The following MAP3K2 variants were observed in gnomAD, a reference collection of about 807,000 sequenced individuals.
MAP3K2 encodes mitogen-activated protein kinase kinase kinase 2.
A neutral mutation model predicts 80.3 loss-of-function variants in MAP3K2; 24 were observed. That is an observed-to-expected ratio of 0.30 (90% CI 0.22 to 0.42). The LOEUF (loss-of-function observed/expected upper bound fraction) is 0.42, where lower values mean the gene tolerates loss of function less well. Ranked by LOEUF, MAP3K2 falls within the 10% of genes least tolerant of loss-of-function variation. MAP3K2 has a pLI of 1.00. For synonymous variants in MAP3K2, 244 were observed against 253.7 expected (o/e 0.96, Z 0.36); for missense variants, 608 against 750.1 (o/e 0.81, Z 2.21).
At chr2:127,325,449 C>A (rs1686113962) in intron 9 of MAP3K2, among the ~76,000 whole-genome samples, 1 of 152,166 alleles carries the variant, frequency 6.6e-6, no homozygotes, top group South Asian at 2.1e-4. Context: ...GAGACCAAGG[C>A]AGGAGGTTCG....
At chr2:127,329,508 C>T (rs1389623387) in intron 7 of MAP3K2, among the ~76,000 whole-genome samples, 6 of 152,106 alleles carry the variant, frequency 3.9e-5, no homozygotes, top group Non-Finnish European at 8.8e-5. Flanking sequence ...AGGCATGCAC[C>T]ACCACGCCCA....
intron 1 of MAP3K2, among the ~76,000 whole-genome samples, chr2:127,344,940 T>C (rs1168986452): frequency 6.6e-6 from 1 of 152,158 alleles, no homozygotes; most frequent in Non-Finnish European, 1.5e-5. Flanking sequence ...CACAGCTCAC[T>C]GCAGCCTTGA....
intron 1 of MAP3K2, among the ~76,000 whole-genome samples, chr2:127,375,412 TTA>T (rs1458074164): frequency 2.1e-5 from 3 of 139,652 alleles, no homozygotes; most frequent in African/African-American, 8.7e-5. Flanking sequence ...ATTTATTTAT[TTA>T]TTTATTTTTT....
At position 127,339,579 on chromosome 2, in the gene MAP3K2, T is replaced by C. The variant is rs1573992118; in HGVS notation, c.5-529A>G. Among the ~76,000 whole-genome samples, 1 of 152,312 alleles carries C rather than the reference T, an allele frequency of 6.6e-6. No homozygotes were observed. Among genetic ancestry groups the C allele is most frequent in the East Asian group, 1.9e-4 (1 of 5,190 alleles). ...ATTTGGAAATGCTCTTTCAAACTTC[T>C]TCACCATAAGGTTTGACAAGACTAA... On this transcript the variant is annotated intron_variant, in intron 2 of 16. Coordinates refer to ENST00000682094, the MANE Select transcript of MAP3K2 (RefSeq NM_001371910.2). The surrounding 1 kb of genome is among the most constrained non-coding windows in gnomAD (Gnocchi z 4.2).
At chr2:127,387,398 GCACACACA>G (rs367967800) in intron 1 of MAP3K2, 46 bp downstream of exon 1, 3 of 195,902 alleles carry the variant, frequency 1.5e-5, no homozygotes, top group African/African-American at 2.9e-5. Flanking sequence ...ACACACGCGC[GCACACACA>G]CACACACACA....
intron 1 of MAP3K2, among the ~76,000 whole-genome samples, chr2:127,383,214 C>T (rs990888605): frequency 6.6e-6 from 1 of 152,186 alleles, no homozygotes; most frequent in East Asian, 1.9e-4. Context: ...GCCCCACTTC[C>T]AACACTGGGG....
intron 1 of MAP3K2, among the ~76,000 whole-genome samples, chr2:127,345,087 A>T (rs938985757): frequency 2.8e-4 from 43 of 152,224 alleles, no homozygotes; most frequent in Non-Finnish European, 1.8e-4. Flanking sequence ...CTCCTGGGCT[A>T]AAGTGATCCT....
rs56300936 is a variant in MAP3K2 at position 127,342,388 on chromosome 2, GGTGT to G, written c.4+734_4+737del. ...TGGGCAAATATAAGTTCTTCATGAG[GGTGT>G]GTGTGTGTGTGTGTGTGTGTGTGTG... On this transcript the variant is annotated intron_variant, in intron 2 of 16. Coordinates refer to ENST00000682094, the MANE Select transcript of MAP3K2 (RefSeq NM_001371910.2). Among the ~76,000 whole-genome samples, 52 of 147,858 alleles carry G rather than the reference GGTGT, an allele frequency of 3.5e-4. 1 individual carries two copies. The highest frequency in any genetic ancestry group is 5.0e-4 in the African/African-American group (20 of 39,762).
rs1686028301 is a variant in MAP3K2, at chr2:127,321,924, A to G, written c.1045+122T>C. ...TCCAACCACCTTTAGAAACACCATTATTACCTTTTTTGAGTAGTTCATCTG... is the reference window on the plus strand; with the variant it reads ...TCCAACCACCTTTAGAAACACCATTGTTACCTTTTTTGAGTAGTTCATCTG... On this transcript the variant is annotated intron_variant, in intron 12 of 16. Transcript: ENST00000682094. The surrounding 1 kb of genome is among the most constrained non-coding windows in gnomAD (Gnocchi z 4.4). 2 of 771,520 alleles carry G rather than the reference A, an allele frequency of 2.6e-6. No individual in the cohort carries two copies. The highest frequency in any genetic ancestry group is 3.5e-5 in the South Asian group (2 of 57,324). 47.8% of individuals were successfully genotyped at this position (771,520 alleles called of 1,614,324 possible). A position where few individuals can be genotyped will look rare whatever the true frequency, so the allele number is the denominator to read the frequency against.
At chr2:127,385,711 G>C (rs1343947193) in intron 1 of MAP3K2, among the ~76,000 whole-genome samples, 4 of 152,202 alleles carry the variant, frequency 2.6e-5, no homozygotes, top group African/African-American at 9.7e-5. Context: ...GGGGGAAATA[G>C]CTCCAATTCT....
At chr2:127,327,301 A>C (rs1391644060) in intron 7 of MAP3K2, among the ~76,000 whole-genome samples, 1 of 152,180 alleles carries the variant, frequency 6.6e-6, no homozygotes, top group Non-Finnish European at 1.5e-5. Flanking sequence ...CCTTATGTAA[A>C]GGAGTCATTG....
intron 2 of MAP3K2, among the ~76,000 whole-genome samples, chr2:127,341,690 G>A (rs1339985373): frequency 6.6e-5 from 10 of 151,678 alleles, no homozygotes; most frequent in Admixed American, 6.6e-4. Flanking sequence ...ACGCCACCAT[G>A]CCTGGCTAAT....
rs140690507 is a variant in MAP3K2 at position 127,344,074 on chromosome 2, T to C, written c.-65-880A>G. 2.3e-3 allele frequency among the ~76,000 whole-genome samples: 353 copies of C among 152,146 alleles called. 1 individual carries two copies. Among genetic ancestry groups the C allele is most frequent in the African/African-American group, 7.7e-3 (319 of 41,504 alleles). On this transcript the variant is annotated intron_variant, in intron 1 of 16. Coordinates refer to ENST00000682094, the MANE Select transcript of MAP3K2 (RefSeq NM_001371910.2). ...GATATTACCTCAAACTATGTTATTA[T>C]AAGATGTTAACTGTAATCCCCAGGT...
chr2:127,386,973 A>G (rs4528712), intron 1 of MAP3K2, among the ~76,000 whole-genome samples: 149,693 of 152,216 alleles, frequency 0.98, 73,659 homozygotes, highest in East Asian at 1. Flanking sequence ...CACCTCATTG[A>G]GCTGGGAAGA....
chr2:127,324,415 G>C (rs1686090098), intron 9 of MAP3K2, among the ~76,000 whole-genome samples, 174 bp from the exon 10 acceptor site: 1 of 152,326 alleles, frequency 6.6e-6, no homozygotes, highest in Non-Finnish European at 1.5e-5. Flanking sequence ...CTTGGTACAT[G>C]TAGGCAAAGA....
intron 15 of MAP3K2, among the ~76,000 whole-genome samples, chr2:127,311,039 A>ACAGACTGG (rs777342257): frequency 2.6e-5 from 4 of 152,134 alleles, no homozygotes; most frequent in Non-Finnish European, 5.9e-5. Flanking sequence ...AAGCTACCTT[A>ACAGACTGG]CAGACTGGAG....
intron 1 of MAP3K2, among the ~76,000 whole-genome samples, chr2:127,371,536 C>A (rs1558990205): frequency 1.3e-5 from 2 of 152,184 alleles, no homozygotes; most frequent in Non-Finnish European, 2.9e-5. Flanking sequence ...GGACTGATAT[C>A]TTGTTACAAT....
rs1685637641 is a variant in MAP3K2, at chr2:127,303,532, T to C, written c.*4047A>G. On this transcript the variant is annotated 3_prime_UTR_variant, in exon 17 of 17. Coordinates refer to ENST00000682094, the MANE Select transcript of MAP3K2 (RefSeq NM_001371910.2). The stretch of plus-strand genomic sequence containing the variant: ...TGACATTTCCGTTTATAACAGCCAA[T>C]GATTACCTAAAATTGCTTTTCCCTT... The C allele has an allele frequency of 6.6e-6, 1 of 152,140 alleles. No homozygotes were observed. Among genetic ancestry groups the C allele is most frequent in the Non-Finnish European group, 1.5e-5 (1 of 68,006 alleles). The allele number at this position is 152,140 out of a possible 1,614,324, so 9.4% of individuals were successfully genotyped here. A position where few individuals can be genotyped will look rare whatever the true frequency, so the allele number is the denominator to read the frequency against.
In MAP3K2 at chr2:127,302,030, C is replaced by A. The variant is rs1258959120; in HGVS notation, c.*5549G>T. 2.6e-5 allele frequency: 4 copies of A among 151,962 alleles called. No individual in the cohort carries two copies. The highest frequency in any genetic ancestry group is 7.3e-5 in the African/African-American group (3 of 41,368). 9.4% of individuals were successfully genotyped at this position (151,962 alleles called of 1,614,324 possible). A position where few individuals can be genotyped will look rare whatever the true frequency, so the allele number is the denominator to read the frequency against. ...TTCACAGCATGCTTCCCCTAGCCAA[C>A]CAAAAAGAGGTACAAGAGAATTTCC... On this transcript the variant is annotated 3_prime_UTR_variant, in exon 17 of 17. Coordinates refer to ENST00000682094, the MANE Select transcript of MAP3K2 (RefSeq NM_001371910.2).
Sources: allele counts gnomAD v4.1 joint callset (sites outside exome capture counted in the v4.1 genomes callset), GRCh38; gene constraint gnomAD v4.1.1; non-coding constraint Gnocchi (gnomAD v3.1); transcripts MANE v1.5; gene names NCBI Gene and HGNC (gene_info 2026-07-23, HGNC 2026-07-21).